Variants in PPP2R2D observed in about 807,000 individuals in gnomAD.
PPP2R2D encodes protein phosphatase 2 regulatory subunit Bdelta.
In PPP2R2D, 9 loss-of-function variants were observed where a neutral mutation model predicts 31.1. The ratio of observed to expected loss-of-function variants is 0.29; its 90% confidence interval spans 0.17 to 0.51. The LOEUF (loss-of-function observed/expected upper bound fraction) is 0.51. Among genes scored for constraint, PPP2R2D ranks in the 20% least tolerant of loss-of-function variants. The probability of loss-of-function intolerance (pLI) is 0.98; values close to 1 mark genes in which losing one functional copy is unlikely to be tolerated. For synonymous variants in PPP2R2D, 179 were observed against 172.6 expected (o/e 1.04, Z -0.29); for missense variants, 391 against 465.6 (o/e 0.84, Z 1.48).
chr10:131,931,394 C>T (rs1169283372), intron 2 of PPP2R2D, among the ~76,000 whole-genome samples: 7 of 152,344 alleles, frequency 4.6e-5, no homozygotes, highest in Middle Eastern at 3.4e-3. Flanking sequence ...GTTGCCCAGG[C>T]TGGAGTGCAG....
chr10:131,944,451 T>C (rs2036498741), intron 6 of PPP2R2D, among the ~76,000 whole-genome samples: 1 of 152,162 alleles, frequency 6.6e-6, no homozygotes, highest in African/African-American at 2.4e-5. Context: ...TGTTCTTTTT[T>C]TTTTTCTAAA....
chr10:131,923,370 T>A (rs1554894495), intron 2 of PPP2R2D, among the ~76,000 whole-genome samples: 1 of 152,228 alleles, frequency 6.6e-6, no homozygotes, highest in Non-Finnish European at 1.5e-5. Context: ...AGTTGATGGG[T>A]TGTTCCTAGT....
In PPP2R2D at chr10:131,924,526, A is replaced by G. The variant is rs541127655; in HGVS notation, c.101-9932A>G. Reference sequence around the variant, plus strand: ...TCTGACCTCTGATCCATTGGTCTATATGTCTGTCCTCATGCCAATACCATA... The same window carrying G: ...TCTGACCTCTGATCCATTGGTCTATGTGTCTGTCCTCATGCCAATACCATA... On this transcript the variant is annotated intron_variant, in intron 2 of 8. Transcript: ENST00000455566. Among the ~76,000 whole-genome samples the G allele has an allele frequency of 7.9e-5, 12 of 152,226 alleles. No individual in the cohort carries two copies. In the South Asian group the frequency reaches 2.5e-3, roughly 32 times the overall value.
Position 131,937,831 on chromosome 10 carries a change from A to G in PPP2R2D, c.199-2200A>G, listed in dbSNP as rs944802041. Reference sequence around the variant, plus strand: ...TCCCTTGAAATAGAACTGTCTGTTGAGGGGCTGTGCTTTTTTGTAGAGTGG... The same window carrying G: ...TCCCTTGAAATAGAACTGTCTGTTGGGGGGCTGTGCTTTTTTGTAGAGTGG... On this transcript the variant is annotated intron_variant, in intron 3 of 8. Transcript: ENST00000455566. Among the ~76,000 whole-genome samples, 3 of 152,274 alleles carry G rather than the reference A, an allele frequency of 2.0e-5. No homozygotes were observed. The East Asian group carries it at 5.8e-4, about 29-fold the overall frequency.
chr10:131,970,681 G>C, the PPP2R2D span: 1 of 1,614,082 alleles, frequency 6.2e-7, no homozygotes, highest in African/African-American at 1.3e-5. The surrounding 1 kb of genome is among the most constrained non-coding windows in gnomAD (Gnocchi z 4.1). Flanking sequence ...AGAGATGGAA[G>C]GAAAACTTTC....
At chr10:131,948,900 C>T (rs2036591353) in intron 8 of PPP2R2D, among the ~76,000 whole-genome samples, 1 of 152,212 alleles carries the variant, frequency 6.6e-6, no homozygotes, top group African/African-American at 2.4e-5. Flanking sequence ...GGCAGTTTGT[C>T]TGTCTGAGGC....
In PPP2R2D at chr10:131,957,501, A is replaced by G. The variant is rs1403567853; in HGVS notation, c.*1538A>G. The G allele has an allele frequency of 6.0e-5, 10 of 165,992 alleles. No individual in the cohort carries two copies. The highest frequency in any genetic ancestry group is 9.5e-5 in the Non-Finnish European group (8 of 83,852). 10.3% of individuals were successfully genotyped at this position (165,992 alleles called of 1,614,324 possible). On this transcript the variant is annotated 3_prime_UTR_variant, in exon 9 of 9. Transcript: ENST00000455566. The stretch of plus-strand genomic sequence containing the variant: ...CCTGTCTGGATGAAGGTGTGTGCTG[A>G]TCCCCCGTCCCCCTGTGGAGATGAA...
chr10:131,959,202 C>G lies in PPP2R2D; in HGVS notation c.*3239C>G, dbSNP rs1342673195. The G allele has an allele frequency of 1.8e-4, 29 of 159,380 alleles. No individual in the cohort carries two copies. The highest frequency in any genetic ancestry group is 2.4e-4 in the Non-Finnish European group (20 of 82,000). The allele number at this position is 159,380 out of a possible 1,614,324, so 9.9% of individuals were successfully genotyped here. A position where few individuals can be genotyped will look rare whatever the true frequency, so the allele number is the denominator to read the frequency against. On this transcript the variant is annotated 3_prime_UTR_variant, in exon 9 of 9. Transcript: ENST00000455566. ...TGGAGATGAAGGTGTGTGCTGATCC[C>G]CCGTCCTCCTGTGGAGATGAAGGCG...
the PPP2R2D span, chr10:131,967,694 T>C: frequency 1.9e-4 from 29 of 152,788 alleles, no homozygotes; most frequent in African/African-American, 6.3e-4. Context: ...TCTGAAGGAT[T>C]TGGCAAAGAT....
intron 8 of PPP2R2D, among the ~76,000 whole-genome samples, chr10:131,951,768 T>C (rs2036640070): frequency 6.6e-6 from 1 of 151,948 alleles, no homozygotes; most frequent in Non-Finnish European, 1.5e-5. Flanking sequence ...TGCAGTAAGC[T>C]GAGATTGTGC....
chr10:131,929,205 G>GC (rs2036163370), intron 2 of PPP2R2D, among the ~76,000 whole-genome samples: 1 of 152,158 alleles, frequency 6.6e-6, no homozygotes, highest in African/African-American at 2.4e-5. Context: ...CTGCTCAGGC[G>GC]CCCCCTCCTG....
chr10:131,923,049 G>A (rs560609150), intron 2 of PPP2R2D, among the ~76,000 whole-genome samples: 5 of 152,174 alleles, frequency 3.3e-5, no homozygotes, highest in Non-Finnish European at 7.3e-5. Flanking sequence ...CCTTTGTGAA[G>A]TGTGCGGGTG....
chr10:131,917,212 C>T, intron 2 of PPP2R2D, among the ~76,000 whole-genome samples: 1 of 126,684 alleles, frequency 7.9e-6, no homozygotes, highest in African/African-American at 3.1e-5. Context: ...TGGAATGACA[C>T]AGTGTAGGGA....
intron 2 of PPP2R2D, among the ~76,000 whole-genome samples, chr10:131,918,520 C>G (rs2035877198): frequency 6.7e-6 from 1 of 148,980 alleles, no homozygotes; most frequent in Admixed American, 6.6e-5. Flanking sequence ...GTAGGGACCT[C>G]AGGCCGGTGG....
chr10:131,951,180 G>A (rs1398278381), intron 8 of PPP2R2D, among the ~76,000 whole-genome samples: 1 of 152,242 alleles, frequency 6.6e-6, no homozygotes, highest in Non-Finnish European at 1.5e-5. Context: ...ATGGTTTGGG[G>A]GAGAGGGTGG....
intron 2 of PPP2R2D, among the ~76,000 whole-genome samples, chr10:131,930,591 G>T (rs529198973): frequency 6.6e-6 from 1 of 152,302 alleles, no homozygotes; most frequent in East Asian, 1.9e-4. Context: ...GAATTTTGAG[G>T]GTAGTTTGAG....
At chr10:131,921,126 A>G (rs1278889826) in intron 2 of PPP2R2D, among the ~76,000 whole-genome samples, 1 of 152,188 alleles carries the variant, frequency 6.6e-6, no homozygotes, top group African/African-American at 2.4e-5. Context: ...TCTCAGAGTG[A>G]TGATCGTTTC....
chr10:131,963,720 TTTTC>T (rs2036949180), downstream of PPP2R2D, among the ~76,000 whole-genome samples: 1 of 152,394 alleles, frequency 6.6e-6, no homozygotes, highest in African/African-American at 2.4e-5. Flanking sequence ...CACACTTTTT[TTTTC>T]TTTTTTAGTA....
In PPP2R2D at chr10:131,947,730, T is replaced by G. The variant is rs1309998308; in HGVS notation, c.1021T>G (p.Ser341Ala). 7.4e-6 allele frequency: 12 copies of G among 1,614,164 alleles called. No individual in the cohort carries two copies. Among genetic ancestry groups the G allele is most frequent in the Non-Finnish European group, 9.3e-6 (11 of 1,180,032 alleles). ...VHEYLRSKLCSLYENDCIFDK... is the reference protein window; with the variant it reads ...VHEYLRSKLCALYENDCIFDK... ...CGAGTACCTGCGCAGCAAGCTCTGC[T>G]CTCTCTATGAGAACGACTGCATCTT... is the stretch of plus-strand genomic sequence containing the variant. Residue 341 changes from serine to alanine, a missense_variant, in exon 8 of 9, where the codon TCT becomes GCT. Ser to Ala is a moderately conservative substitution (Grantham distance 99). Transcript: ENST00000455566. This position sits in a 1 kb window ranked among gnomAD's most constrained non-coding sequence, Gnocchi z 4.3.
Sources: allele counts gnomAD v4.1 joint callset (sites outside exome capture counted in the v4.1 genomes callset), GRCh38; gene constraint gnomAD v4.1.1; non-coding constraint Gnocchi (gnomAD v3.1); transcripts MANE v1.5; gene names NCBI Gene and HGNC (gene_info 2026-07-23, HGNC 2026-07-21).